The following CNTN4 variants were observed in gnomAD, a reference collection of about 807,000 sequenced individuals.
CNTN4 encodes contactin 4.
CNTN4 carries 77 observed loss-of-function variants against 122.5 expected under a neutral mutation model. The observed-to-expected ratio is 0.63, with a 90% confidence interval of 0.52 to 0.76. The LOEUF (loss-of-function observed/expected upper bound fraction) is 0.76, where lower values mean the gene tolerates loss of function less well. Ranked by LOEUF, CNTN4 falls within the 30% of genes least tolerant of loss-of-function variation. The pLI, the probability that CNTN4 is intolerant of heterozygous loss-of-function variation, is 0.00. For missense variants in CNTN4, 1,256 were observed against 1,259.1 expected, an observed-to-expected ratio of 1.00 and a Z score of 0.04; for synonymous variants, 512 against 447.0, an observed-to-expected ratio of 1.15 and a Z score of -1.83.
chr3:2,328,202 G>A (rs904157669), intron 2 of CNTN4, among the ~76,000 whole-genome samples: 24 of 152,192 alleles, frequency 1.6e-4, no homozygotes, highest in African/African-American at 5.3e-4. Context: ...TCAGGAGATC[G>A]AGACCATCCT....
intron 13 of CNTN4, among the ~76,000 whole-genome samples, chr3:2,957,175 A>G (rs2094808370): frequency 6.6e-6 from 1 of 151,826 alleles, no homozygotes; most frequent in Non-Finnish European, 1.5e-5. Context: ...GCTGGATTAT[A>G]TGGTAGTTCT....
rs886427789 is a variant in CNTN4 at position 2,209,966 on chromosome 3, A to G, written c.-145+109327A>G. ...TCCCCGAGAGCTTTATTTTTATTTT[A>G]TTTTGTACTGGTATTATTATCAAAG... On this transcript the variant is annotated intron_variant, in intron 2 of 24. Coordinates refer to ENST00000418658, the MANE Select transcript of CNTN4 (RefSeq NM_175607.3). 2.0e-5 allele frequency among the ~76,000 whole-genome samples: 3 copies of G among 151,996 alleles called. 1 individual carries two copies. Among genetic ancestry groups the G allele is most frequent in the African/African-American group, 7.2e-5 (3 of 41,392 alleles).
chr3:2,337,748 T>C (rs1244270566), intron 2 of CNTN4, among the ~76,000 whole-genome samples: 1 of 152,236 alleles, frequency 6.6e-6, no homozygotes, highest in South Asian at 2.1e-4. Context: ...CTCTACCTTC[T>C]TTCTGTGAAG....
At chr3:2,340,044 T>C (rs544146353) in intron 3 of CNTN4, among the ~76,000 whole-genome samples, 69 of 152,298 alleles carry the variant, frequency 4.5e-4, no homozygotes, top group African/African-American at 1.7e-3. Context: ...TTCTTCTTCT[T>C]AGGAAGATAG....
At chr3:2,867,161 T>C (rs2093732814) in intron 8 of CNTN4, among the ~76,000 whole-genome samples, 1 of 152,222 alleles carries the variant, frequency 6.6e-6, no homozygotes, top group African/African-American at 2.4e-5. Flanking sequence ...ATCTAATTGC[T>C]AATCTCAACA....
intron 6 of CNTN4, among the ~76,000 whole-genome samples, chr3:2,816,688 G>A (rs936437350): frequency 1.3e-5 from 2 of 151,528 alleles, no homozygotes; most frequent in Admixed American, 6.6e-5. Flanking sequence ...GGGCGTGGTG[G>A]TGCATGCCTG....
At chr3:2,931,256 A>G (rs2094517772) in intron 13 of CNTN4, among the ~76,000 whole-genome samples, 1 of 152,204 alleles carries the variant, frequency 6.6e-6, no homozygotes, top group Non-Finnish European at 1.5e-5. Flanking sequence ...GGTAGAACTG[A>G]AAACACTTAA....
Position 3,056,129 on chromosome 3 carries a change from C to T in CNTN4, c.2990C>T (p.Ala997Val), listed in dbSNP as rs184575174. The T allele has an allele frequency of 8.3e-5, 134 of 1,613,780 alleles. 1 individual carries two copies. The Middle Eastern group carries it at 1.2e-3, about 14-fold the overall frequency. ...TGTTCTCTCTTTTCAGATGCCTACG[C>T]GAGAGGATCTGGGGCTTCCACTTCG... The part of the protein sequence containing the change: ...IRIPKISNAY[A>V]RGSGASTSNA... Residue 997 changes from alanine (A) to valine (V), a missense_variant, in exon 25 of 25, where the codon GCG becomes GTG. Physicochemically the swap from Ala to Val is moderately conservative, Grantham distance 64. Transcript: ENST00000418658.
intron 3 of CNTN4, among the ~76,000 whole-genome samples, chr3:2,438,544 C>A (rs959940630): frequency 2.0e-5 from 3 of 152,228 alleles, no homozygotes; most frequent in African/African-American, 7.2e-5. Flanking sequence ...CCAAAAAAAA[C>A]CTGTTTTGTT....
Position 2,424,006 on chromosome 3 carries a change from C to T in CNTN4, c.-89+84773C>T, listed in dbSNP as rs545254625. On this transcript the variant is annotated intron_variant, in intron 3 of 24. Coordinates refer to ENST00000418658, the MANE Select transcript of CNTN4 (RefSeq NM_175607.3). ...AAATGACGAGTTAATGGGTGTAGCA[C>T]ACCAACATGGCTGTCAAAATTCCTT... 1.7e-4 allele frequency among the ~76,000 whole-genome samples: 24 copies of T among 144,766 alleles called. 1 individual carries two copies. The highest frequency in any genetic ancestry group is 4.6e-4 in the African/African-American group (18 of 39,086). 95.0% of individuals were successfully genotyped at this position (144,766 alleles called of 152,430 possible). A position where few individuals can be genotyped will look rare whatever the true frequency, so the allele number is the denominator to read the frequency against.
chr3:2,412,678 G>T (rs1403182203), intron 3 of CNTN4, among the ~76,000 whole-genome samples: 1 of 151,990 alleles, frequency 6.6e-6, no homozygotes, highest in African/African-American at 2.4e-5. Flanking sequence ...TGAAATCTCA[G>T]AAATTATCTA....
chr3:2,495,550 G>C (rs1259773478), intron 3 of CNTN4, among the ~76,000 whole-genome samples: 1 of 152,214 alleles, frequency 6.6e-6, no homozygotes, highest in Non-Finnish European at 1.5e-5. Flanking sequence ...TAGGAACCTG[G>C]CTGCACAGCA....
chr3:2,465,834 G>C (rs1161224726), intron 3 of CNTN4, among the ~76,000 whole-genome samples: 1 of 152,190 alleles, frequency 6.6e-6, no homozygotes, highest in South Asian at 2.1e-4. Context: ...TTTCTGACAT[G>C]AGGTGCTATA....
intron 13 of CNTN4, 53 bp from the exon 14 acceptor site, chr3:2,988,292 T>C (rs544473807): frequency 3.9e-6 from 6 of 1,554,948 alleles, no homozygotes; most frequent in South Asian, 2.2e-5. Flanking sequence ...TAATTTGCAA[T>C]AGGTCATATG....
At chr3:2,499,121 C>A (rs576146385) in intron 3 of CNTN4, among the ~76,000 whole-genome samples, 1 of 152,126 alleles carries the variant, frequency 6.6e-6, no homozygotes. Flanking sequence ...TCTGAGAACT[C>A]GTTGCCTAAC....
At chr3:2,300,018 C>T (rs984262023) in intron 2 of CNTN4, among the ~76,000 whole-genome samples, 1 of 151,894 alleles carries the variant, frequency 6.6e-6, no homozygotes, top group African/African-American at 2.4e-5. Flanking sequence ...AAGGTAAGTC[C>T]CATAACAGCT....
chr3:2,122,047 CG>C (rs1309376578), intron 2 of CNTN4, among the ~76,000 whole-genome samples: 7 of 151,202 alleles, frequency 4.6e-5, no homozygotes, highest in Non-Finnish European at 8.8e-5. Context: ...CCCAGCTACT[CG>C]GGAGGCTGAG....
At chr3:2,811,926 A>G (rs2092622500) in intron 6 of CNTN4, among the ~76,000 whole-genome samples, 2 of 152,280 alleles carry the variant, frequency 1.3e-5, no homozygotes, top group Middle Eastern at 6.8e-3. Context: ...TTGGCCTCCC[A>G]AAGTGCGGCG....
At chr3:2,106,329 A>G (rs1490100836) in intron 2 of CNTN4, among the ~76,000 whole-genome samples, 2 of 152,130 alleles carry the variant, frequency 1.3e-5, no homozygotes, top group Non-Finnish European at 2.9e-5. Context: ...TCCCTTCCGC[A>G]CTGCCCTAAC....
Sources: allele counts gnomAD v4.1 joint callset (sites outside exome capture counted in the v4.1 genomes callset), GRCh38; gene constraint gnomAD v4.1.1; transcripts MANE v1.5; gene names NCBI Gene and HGNC (gene_info 2026-07-23, HGNC 2026-07-21).